The following PFKFB3 variants were observed in gnomAD, a reference collection of about 807,000 sequenced individuals.
PFKFB3 encodes the protein 6-phosphofructo-2-kinase/fructose-2,6-bisphosphatase 3.
A neutral mutation model predicts 68.0 loss-of-function variants in PFKFB3; 33 were observed. The ratio of observed to expected loss-of-function variants is 0.49; its 90% CI spans 0.37 to 0.65. The LOEUF (loss-of-function observed/expected upper bound fraction) is 0.65, where lower values mean the gene tolerates loss of function less well. Ranked by LOEUF, PFKFB3 falls within the 30% of genes least tolerant of loss-of-function variation. PFKFB3 has a pLI of 0.00. For synonymous variants in PFKFB3, 315 were observed against 288.2 expected, an observed-to-expected ratio of 1.09 and a Z score of -0.94; for missense variants, 586 against 712.2, an observed-to-expected ratio of 0.82 and a Z score of 2.02.
intron 1 of PFKFB3, among the ~76,000 whole-genome samples, chr10:6,208,705 G>A (rs1368906589): frequency 1.3e-5 from 2 of 152,118 alleles, no homozygotes; most frequent in Non-Finnish European, 2.9e-5. Flanking sequence ...GTCTGTCTGT[G>A]CATTGCACAC....
intron 11 of PFKFB3, 106 bp from the exon 12 acceptor site, chr10:6,223,852 G>C: frequency 2.2e-6 from 2 of 926,018 alleles, no homozygotes; most frequent in South Asian, 2.6e-5. Context: ...CCTGACCTCA[G>C]GTGATCCACC....
Position 6,228,456 on chromosome 10 carries a change from C to T in PFKFB3, c.1515+2091C>T, listed in dbSNP as rs145265578. 1.1e-4 allele frequency among the ~76,000 whole-genome samples: 17 copies of T among 152,192 alleles called. 1 individual carries two copies. The highest frequency in any genetic ancestry group is 3.9e-4 in the East Asian group (2 of 5,168). The stretch of plus-strand genomic sequence containing the variant: ...TTGGGTGTGTTCCGACACCGCCGCA[C>T]GACCGCTGGCTTCTCCCCTACCCTC... On this transcript the variant is annotated intron_variant, in intron 14 of 14. Coordinates refer to ENST00000379775, the MANE Select transcript of PFKFB3 (RefSeq NM_004566.4). The surrounding 1 kb of genome is among the most constrained non-coding windows in gnomAD (Gnocchi z 4.5).
chr10:6,186,672 A>AT (rs1842875588), intron 1 of PFKFB3, among the ~76,000 whole-genome samples: 1 of 151,956 alleles, frequency 6.6e-6, no homozygotes, highest in South Asian at 2.1e-4. Flanking sequence ...ACAATTTCTC[A>AT]TTTTTTGTAG....
chr10:6,308,972 G>A, the PFKFB3 span, among the ~76,000 whole-genome samples: 1 of 152,294 alleles, frequency 6.6e-6, no homozygotes, highest in African/African-American at 2.4e-5. Flanking sequence ...GTGCCAACAA[G>A]TCCATGGGAC....
chr10:6,224,931 C>T (rs41310217), intron 13 of PFKFB3, among the ~76,000 whole-genome samples: 2,891 of 151,162 alleles, frequency 0.019, 39 homozygotes, highest in Middle Eastern at 0.034. Flanking sequence ...AGGCTCAGAA[C>T]CACCAAGAAC....
the PFKFB3 span, among the ~76,000 whole-genome samples, chr10:6,320,840 T>C: frequency 1.3e-5 from 2 of 152,186 alleles, no homozygotes; most frequent in South Asian, 4.1e-4. Context: ...CAGAGCCACA[T>C]GTTCCCTCAT....
chr10:6,160,125 T>C (rs1234039726), intron 1 of PFKFB3, among the ~76,000 whole-genome samples: 1 of 152,152 alleles, frequency 6.6e-6, no homozygotes, highest in Non-Finnish European at 1.5e-5. Flanking sequence ...AATATATACA[T>C]AATAAAACTA....
intron 14 of PFKFB3, among the ~76,000 whole-genome samples, chr10:6,250,097 GGAA>G (rs552252651): frequency 7.0e-4 from 107 of 152,246 alleles, no homozygotes; most frequent in African/African-American, 2.5e-3. Context: ...CCTACTACAG[GGAA>G]AGTGTTATGT....
intron 1 of PFKFB3, among the ~76,000 whole-genome samples, chr10:6,157,515 G>T (rs11257021): frequency 3.3e-5 from 5 of 151,762 alleles, no homozygotes; most frequent in Admixed American, 2.0e-4. Context: ...CATGAGCCAC[G>T]GCGCCCAGCC....
At chr10:6,270,539 G>A in the PFKFB3 span, among the ~76,000 whole-genome samples, 1 of 152,024 alleles carries the variant, frequency 6.6e-6, no homozygotes, top group African/African-American at 2.4e-5. Flanking sequence ...TACACTCCTC[G>A]GCCACAGAGG....
At chr10:6,278,714 C>T in the PFKFB3 span, among the ~76,000 whole-genome samples, 1 of 152,186 alleles carries the variant, frequency 6.6e-6, no homozygotes. Flanking sequence ...CAGAGGTTTG[C>T]GGAGGGCAGA....
At chr10:6,253,553 C>T (rs1045495598) in intron 14 of PFKFB3, among the ~76,000 whole-genome samples, 6 of 151,836 alleles carry the variant, frequency 4.0e-5, no homozygotes, top group African/African-American at 9.7e-5. Flanking sequence ...CAGCGGGGGA[C>T]GGGGGTGTGT....
At position 6,183,356 on chromosome 10, in the gene PFKFB3, A is replaced by G. The variant is rs573567242; in HGVS notation, c.17-30267A>G. 9.9e-5 allele frequency among the ~76,000 whole-genome samples: 15 copies of G among 152,230 alleles called. No homozygotes were observed. The South Asian group carries it at 2.7e-3, about 27-fold the overall frequency. ...TTATCTCTAAAACACCTCCAGCTCCACTAGGATTCTGTTTACTAACTGCTT... is the reference window on the plus strand; with the variant it reads ...TTATCTCTAAAACACCTCCAGCTCCGCTAGGATTCTGTTTACTAACTGCTT... On this transcript the variant is annotated intron_variant, in intron 1 of 14. Coordinates refer to the PFKFB3 transcript ENST00000379789.
At chr10:6,286,816 T>G in the PFKFB3 span, among the ~76,000 whole-genome samples, 26 of 152,356 alleles carry the variant, frequency 1.7e-4, 1 homozygote, top group South Asian at 5.4e-3. Flanking sequence ...TTTTCCACTC[T>G]TTTTTCTGCA....
chr10:6,302,951 G>A, the PFKFB3 span, among the ~76,000 whole-genome samples: 1 of 152,138 alleles, frequency 6.6e-6, no homozygotes, highest in Non-Finnish European at 1.5e-5. Flanking sequence ...TAGAAAGGGC[G>A]CTCGAGGTAA....
At chr10:6,177,458 T>TTC (rs71390194) in intron 1 of PFKFB3, among the ~76,000 whole-genome samples, 197 of 134,536 alleles carry the variant, frequency 1.5e-3, no homozygotes, top group Middle Eastern at 8.8e-3. Flanking sequence ...CTTTCTTTCT[T>TTC]TCTTTCTTTC....
At position 6,235,342 on chromosome 10, in the gene PFKFB3, G is replaced by A. The variant is rs1845973391; in HGVS notation, c.*2400G>A. The A allele has an allele frequency of 1.3e-5, 2 of 152,524 alleles. No homozygotes were observed. The highest frequency in any genetic ancestry group is 2.4e-5 in the African/African-American group (1 of 41,436). The allele number at this position is 152,524 out of a possible 1,614,324, so 9.4% of individuals were successfully genotyped here. ...GGAGCCTAAACAATAGAAAGCTGTA[G>A]AGATTGGGTTTCATTGTTAATTGGT... is the stretch of plus-strand genomic sequence containing the variant. On this transcript the variant is annotated 3_prime_UTR_variant, in exon 15 of 15. Transcript: ENST00000379775.
chr10:6,265,661 A>G, the PFKFB3 span, among the ~76,000 whole-genome samples: 4 of 151,978 alleles, frequency 2.6e-5, no homozygotes, highest in East Asian at 1.9e-4. Context: ...TATATTTACT[A>G]TTTTCTCCCT....
At chr10:6,247,574 C>T (rs937712553) in intron 14 of PFKFB3, among the ~76,000 whole-genome samples, 2 of 152,190 alleles carry the variant, frequency 1.3e-5, no homozygotes, top group African/African-American at 4.8e-5. Flanking sequence ...CCCCTCTCCC[C>T]GCCAGCCCAG....
Sources: allele counts gnomAD v4.1 joint callset (sites outside exome capture counted in the v4.1 genomes callset), GRCh38; gene constraint gnomAD v4.1.1; non-coding constraint Gnocchi (gnomAD v3.1); transcripts MANE v1.5; gene names NCBI Gene and HGNC (gene_info 2026-07-23, HGNC 2026-07-21).